The following AQP9 variants were observed in gnomAD, a reference collection of about 807,000 sequenced individuals.
AQP9 encodes the protein aquaporin-9.
In AQP9, 19 loss-of-function variants were observed where a neutral mutation model predicts 23.8. The ratio of observed to expected loss-of-function variants is 0.80; its 90% CI spans 0.56 to 1.17. The LOEUF (loss-of-function observed/expected upper bound fraction) is 1.17, where lower values mean the gene tolerates loss of function less well. Ranked by LOEUF, AQP9 falls within the 50% of genes most tolerant of loss-of-function variation. The probability of loss-of-function intolerance (pLI) is 0.00; values close to 1 mark genes in which losing one functional copy is unlikely to be tolerated. For missense variants in AQP9, 413 were observed against 362.0 expected (o/e 1.14, Z -1.14); for synonymous variants, 153 against 131.5 (o/e 1.16, Z -1.12).
chr15:58,157,692 A>G (rs904644214), intron 1 of AQP9, among the ~76,000 whole-genome samples: 5 of 152,174 alleles, frequency 3.3e-5, no homozygotes, highest in African/African-American at 9.7e-5. Flanking sequence ...GAGAGAGAAC[A>G]AGAGAGGAAA....
chr15:58,163,238 A>T (rs1898419886), intron 1 of AQP9, among the ~76,000 whole-genome samples: 1 of 152,124 alleles, frequency 6.6e-6, no homozygotes, highest in Admixed American at 6.5e-5. Context: ...TCCATCTCCT[A>T]TATGGTTTTG....
chr15:58,164,184 G>A (rs1364705014), intron 1 of AQP9: 2 of 152,136 alleles, frequency 1.3e-5, no homozygotes, highest in South Asian at 2.1e-4. Flanking sequence ...AGTGAAATTT[G>A]ACAAGGCAGA....
chr15:58,184,432 A>C lies in AQP9; in HGVS notation c.*297A>C. On this transcript the variant is annotated 3_prime_UTR_variant, in exon 6 of 6. Transcript: ENST00000219919. ...AATTCTTGCTAGGTAAGCACTAATA[A>C]CTCGGCATCTTGACGATAGTCCCAT... 3.6e-6 allele frequency: 1 copy of C among 277,400 alleles called. No individual in the cohort carries two copies. The highest frequency in any genetic ancestry group is 2.2e-5 in the African/African-American group (1 of 45,922). The allele number at this position is 277,400 out of a possible 1,614,324, so 17.2% of individuals were successfully genotyped here. A position where few individuals can be genotyped will look rare whatever the true frequency, so the allele number is the denominator to read the frequency against.
Position 58,138,418 on chromosome 15 carries a change from A to G in AQP9, c.-148A>G. Reference sequence around the variant, plus strand: ...GATTAAGCCACAGCCTCTAATTGGAACGGCATTTGTACAGTCAGAGACTCT... The same window carrying G: ...GATTAAGCCACAGCCTCTAATTGGAGCGGCATTTGTACAGTCAGAGACTCT... On this transcript the variant is annotated 5_prime_UTR_variant, in exon 1 of 6. Transcript: ENST00000219919. 1.7e-6 allele frequency: 1 copy of G among 589,342 alleles called. No homozygotes were observed. Among genetic ancestry groups the G allele is most frequent in the Non-Finnish European group, 3.0e-6 (1 of 330,404 alleles). The allele number at this position is 589,342 out of a possible 1,614,324, so 36.5% of individuals were successfully genotyped here. A position where few individuals can be genotyped will look rare whatever the true frequency, so the allele number is the denominator to read the frequency against.
chr15:58,183,015 TG>T (rs1898927235), intron 5 of AQP9, among the ~76,000 whole-genome samples: 1 of 152,206 alleles, frequency 6.6e-6, no homozygotes, highest in Non-Finnish European at 1.5e-5. Context: ...AAAGGCCACA[TG>T]GAACATATGT....
intron 1 of AQP9, among the ~76,000 whole-genome samples, chr15:58,144,484 C>T (rs1898005134): frequency 6.6e-6 from 1 of 152,212 alleles, no homozygotes; most frequent in Non-Finnish European, 1.5e-5. Flanking sequence ...TTTGTCCAAA[C>T]TTGCACTACC....
chr15:58,181,999 A>G (rs1469009567), intron 5 of AQP9, among the ~76,000 whole-genome samples: 1 of 152,144 alleles, frequency 6.6e-6, no homozygotes, highest in Non-Finnish European at 1.5e-5. Context: ...GTCTTAGAAA[A>G]AAAACAAGGC....
chr15:58,162,651 A>G (rs1295691117), intron 1 of AQP9, among the ~76,000 whole-genome samples: 1 of 152,192 alleles, frequency 6.6e-6, no homozygotes, highest in East Asian at 1.9e-4. Context: ...AGGGTTTAAG[A>G]GCACAGTCTC....
chr15:58,144,538 G>C (rs1397764277), intron 1 of AQP9, among the ~76,000 whole-genome samples: 2 of 152,048 alleles, frequency 1.3e-5, no homozygotes, highest in Admixed American at 6.6e-5. Context: ...GTTTGTTGTT[G>C]TTGTTGTCTT....
intron 1 of AQP9, chr15:58,152,982 T>C (rs1379463541): frequency 2.0e-5 from 3 of 152,194 alleles, no homozygotes; most frequent in African/African-American, 7.2e-5. Flanking sequence ...CTCACGATAA[T>C]ATTAATTCTA....
chr15:58,167,960 G>T (rs1284980501), intron 2 of AQP9, among the ~76,000 whole-genome samples: 3 of 151,604 alleles, frequency 2.0e-5, no homozygotes, highest in Non-Finnish European at 4.4e-5. Flanking sequence ...CCTGACTTCA[G>T]GTGATCCACC....
At chr15:58,153,607 T>G (rs1368291975) in intron 1 of AQP9, 1 of 152,166 alleles carries the variant, frequency 6.6e-6, no homozygotes, top group Non-Finnish European at 1.5e-5. Flanking sequence ...AAAAGCTATA[T>G]ATGTTCAGGA....
At chr15:58,172,894 T>C (rs1898653717) in intron 2 of AQP9, among the ~76,000 whole-genome samples, 174 bp from the exon 3 acceptor site, 1 of 152,198 alleles carries the variant, frequency 6.6e-6, no homozygotes, top group Non-Finnish European at 1.5e-5. Flanking sequence ...CATTCCTCCT[T>C]CTCTCCCTGC....
Position 58,175,462 on chromosome 15 carries a change from T to C in AQP9, c.495+426T>C, listed in dbSNP as rs997146487. Among the ~76,000 whole-genome samples, 24 of 152,350 alleles carry C rather than the reference T, an allele frequency of 1.6e-4. 1 individual carries two copies. The highest frequency in any genetic ancestry group is 7.8e-4 in the Admixed American group (12 of 15,298). On this transcript the variant is annotated intron_variant, in intron 4 of 5. Coordinates refer to ENST00000219919, the MANE Select transcript of AQP9 (RefSeq NM_020980.5). ...ATCATCAATCCTCTCTGTCTCACCA[T>C]GTGCATAGGTTTATTTATTTAAACT...
chr15:58,166,663 C>T lies in AQP9; in HGVS notation c.112-10C>T, dbSNP rs1453573719. On this transcript the variant is annotated splice_polypyrimidine_tract_variant and intron_variant, in intron 1 of 5. Transcript: ENST00000219919. The stretch of plus-strand genomic sequence containing the variant: ...CCCCACTTACCTGTTGAGTTTTCCT[C>T]TCATTCCAGGTCCTTGGATGTGGCT... 1.2e-6 allele frequency: 2 copies of T among 1,603,318 alleles called. No homozygotes were observed. Among genetic ancestry groups the T allele is most frequent in the Non-Finnish European group, 1.7e-6 (2 of 1,175,046 alleles).
intron 1 of AQP9, among the ~76,000 whole-genome samples, chr15:58,145,999 A>C (rs1898037997): frequency 6.6e-6 from 1 of 152,068 alleles, no homozygotes; most frequent in Admixed American, 6.6e-5. Context: ...TCTGGGTCTC[A>C]TTTTTGTCCT....
At chr15:58,171,082 G>C (rs1009689974) in intron 2 of AQP9, among the ~76,000 whole-genome samples, 1 of 148,098 alleles carries the variant, frequency 6.8e-6, no homozygotes, top group East Asian at 2.0e-4. Flanking sequence ...GAGCCACCAC[G>C]CCCAACTAAT....
intron 1 of AQP9, among the ~76,000 whole-genome samples, chr15:58,141,397 C>A (rs2140580923): frequency 6.6e-6 from 1 of 152,322 alleles, no homozygotes; most frequent in African/African-American, 2.4e-5. Flanking sequence ...TGTAGTCGGA[C>A]AGATGCTGAA....
chr15:58,141,943 A>G lies in AQP9; in HGVS notation c.111+3267A>G, dbSNP rs796897329. Among the ~76,000 whole-genome samples the G allele has an allele frequency of 9.8e-5, 15 of 152,376 alleles. 1 individual carries two copies. The highest frequency in any genetic ancestry group is 3.6e-4 in the African/African-American group (15 of 41,598). ...AAAGGAAACGTCCACTTTGCAGGGC[A>G]GAATCCAGGACAATTTTGGTCTAGT... On this transcript the variant is annotated intron_variant, in intron 1 of 5. Transcript: ENST00000219919.
Sources: gnomAD v4.1 joint callset for allele counts (sites outside exome capture counted in the v4.1 genomes callset) on GRCh38, gnomAD v4.1.1 for gene constraint, MANE v1.5 for transcripts, NCBI Gene and HGNC (gene_info 2026-07-23, HGNC 2026-07-21) for gene names.